The following KLHL18 variants were observed in gnomAD, a reference collection of about 807,000 sequenced individuals.
KLHL18 encodes kelch-like protein 18.
Under a neutral mutation model 58.5 loss-of-function variants are expected in KLHL18, and 38 were observed. That is an observed-to-expected ratio of 0.65 (90% confidence interval 0.50 to 0.85). The LOEUF (loss-of-function observed/expected upper bound fraction) is 0.85. KLHL18 is among the 40% of genes least tolerant of loss of function. The pLI is 0.00. For synonymous variants in KLHL18, 303 were observed against 301.9 expected (o/e 1.00, Z -0.04); for missense variants, 624 against 778.4 (o/e 0.80, Z 2.36).
intron 3 of KLHL18, among the ~76,000 whole-genome samples, chr3:47,323,680 T>A (rs1393286141): frequency 6.6e-6 from 1 of 152,172 alleles, no homozygotes; most frequent in Non-Finnish European, 1.5e-5. Flanking sequence ...GGGTTAGTGC[T>A]GGGCCACAGA....
chr3:47,338,479 C>T (rs1162806158), intron 7 of KLHL18: 1 of 152,224 alleles, frequency 6.6e-6, no homozygotes, highest in East Asian at 1.9e-4. Flanking sequence ...GTTATCATGT[C>T]CCTGAAAGGG....
At chr3:47,333,394 C>A (rs1343959104) in intron 5 of KLHL18, 77 bp downstream of exon 5, 2 of 1,409,856 alleles carry the variant, frequency 1.4e-6, no homozygotes, top group East Asian at 2.4e-5. Flanking sequence ...TGTTCCAGTT[C>A]TGGAAAGAAA....
At position 47,282,971 on chromosome 3, in the gene KLHL18, G is replaced by T; in HGVS notation, c.6G>T (p.Val2=). Residue 2 remains valine (V), a synonymous_variant, in exon 1 of 10, where the codon GTG becomes GTT. Coordinates refer to ENST00000232766, the MANE Select transcript of KLHL18 (RefSeq NM_025010.5). M[V]EDGAEELEDL... ...AGTTGCAGCGGCCGGGGAAGATGGT[G>T]GAGGACGGCGCGGAGGAGCTGGAGG... 6.2e-7 allele frequency: 1 copy of T among 1,610,480 alleles called. No individual in the cohort carries two copies. Among genetic ancestry groups the T allele is most frequent in the Non-Finnish European group, 8.5e-7 (1 of 1,178,740 alleles).
chr3:47,321,598 C>T (rs934656824), intron 2 of KLHL18, among the ~76,000 whole-genome samples: 8 of 152,158 alleles, frequency 5.3e-5, no homozygotes, highest in Non-Finnish European at 1.0e-4. Flanking sequence ...GATCCGCCCG[C>T]CTCGGCCTCT....
intron 1 of KLHL18, 90 bp downstream of exon 1, chr3:47,283,184 A>C: frequency 2.7e-6 from 1 of 366,256 alleles, no homozygotes. Context: ...GAGGTCTAGC[A>C]GGGAGAGGGG....
chr3:47,312,905 A>ATTTT (rs35710141), intron 1 of KLHL18, among the ~76,000 whole-genome samples: 5 of 117,870 alleles, frequency 4.2e-5, no homozygotes, highest in Non-Finnish European at 9.0e-5. Context: ...ATACCTTTTA[A>ATTTT]TTTTTTTTTT....
At chr3:47,293,237 G>A (rs1702826878) in intron 1 of KLHL18, among the ~76,000 whole-genome samples, 3 of 152,196 alleles carry the variant, frequency 2.0e-5, no homozygotes, top group Admixed American at 2.0e-4. Context: ...TAATGCCACA[G>A]AACTGTACAC....
At chr3:47,308,123 C>G (rs1254941930) in intron 1 of KLHL18, among the ~76,000 whole-genome samples, 1 of 151,952 alleles carries the variant, frequency 6.6e-6, no homozygotes, top group Non-Finnish European at 1.5e-5. Context: ...TTATCATGCA[C>G]TTTCAGCATC....
chr3:47,308,385 G>T (rs979084547), intron 1 of KLHL18, among the ~76,000 whole-genome samples: 1 of 152,082 alleles, frequency 6.6e-6, no homozygotes, highest in Non-Finnish European at 1.5e-5. Context: ...TCGTCAATAT[G>T]TAGTTTTTCT....
In KLHL18 at chr3:47,344,328, A is replaced by G. The variant is rs761193010; in HGVS notation, c.*387A>G. 1.5e-5 allele frequency: 4 copies of G among 270,082 alleles called. No individual in the cohort carries two copies. Among genetic ancestry groups the G allele is most frequent in the African/African-American group, 6.9e-5 (3 of 43,732 alleles). The allele number at this position is 270,082 out of a possible 1,614,324, so 16.7% of individuals were successfully genotyped here. ...CTTGCTCTCCAGCCGAGTCTGGCCA[A>G]TTTGCCATGGGGAGGCTGCAGTGTC... is the stretch of plus-strand genomic sequence containing the variant. On this transcript the variant is annotated 3_prime_UTR_variant, in exon 10 of 10. Coordinates refer to ENST00000232766, the MANE Select transcript of KLHL18 (RefSeq NM_025010.5).
At position 47,325,195 on chromosome 3, in the gene KLHL18, A is replaced by G. The variant is rs551347251; in HGVS notation, c.401+2487A>G. 8.8e-5 allele frequency among the ~76,000 whole-genome samples: 13 copies of G among 148,266 alleles called. No individual in the cohort carries two copies. The South Asian group carries it at 2.8e-3, about 32-fold the overall frequency. On this transcript the variant is annotated intron_variant, in intron 3 of 9. Coordinates refer to ENST00000232766, the MANE Select transcript of KLHL18 (RefSeq NM_025010.5). ...TTTTCTTTTTTTTCTTTTTTTTTTTAAGGCGGAGCCTTGCTCTGTGAGACA... is the reference window on the plus strand; with the variant it reads ...TTTTCTTTTTTTTCTTTTTTTTTTTGAGGCGGAGCCTTGCTCTGTGAGACA...
At chr3:47,325,148 A>T (rs1049978681) in intron 3 of KLHL18, among the ~76,000 whole-genome samples, 3 of 151,574 alleles carry the variant, frequency 2.0e-5, no homozygotes, top group African/African-American at 7.3e-5. Flanking sequence ...CCCACTTCGT[A>T]TGTGCCCTTG....
chr3:47,301,343 T>C (rs1483208527), intron 1 of KLHL18, among the ~76,000 whole-genome samples: 2 of 152,218 alleles, frequency 1.3e-5, no homozygotes, highest in African/African-American at 4.8e-5. Context: ...CTAAAAGTTT[T>C]ATAGTTTTAA....
intron 1 of KLHL18, among the ~76,000 whole-genome samples, chr3:47,286,865 A>T (rs930169882): frequency 6.6e-6 from 1 of 152,098 alleles, no homozygotes; most frequent in Non-Finnish European, 1.5e-5. Flanking sequence ...ATCCCCCTAA[A>T]TGGTACCACT....
intron 1 of KLHL18, among the ~76,000 whole-genome samples, chr3:47,304,464 C>T (rs566668876): frequency 6.6e-6 from 1 of 152,210 alleles, no homozygotes; most frequent in South Asian, 2.1e-4. Flanking sequence ...GATTATGCCA[C>T]TGCACTCTAG....
At chr3:47,321,862 G>C (rs1455269047) in intron 2 of KLHL18, among the ~76,000 whole-genome samples, 1 of 152,174 alleles carries the variant, frequency 6.6e-6, no homozygotes, top group African/African-American at 2.4e-5. Context: ...GCCATCTGGG[G>C]GAAGAGCCCT....
At chr3:47,329,928 T>A in intron 3 of KLHL18, 23 bp from the exon 4 acceptor site, 1 of 1,608,770 alleles carries the variant, frequency 6.2e-7, no homozygotes, top group Non-Finnish European at 8.5e-7. Flanking sequence ...CTCTAATTTT[T>A]TTTTTCTTTC....
At position 47,334,773 on chromosome 3, in the gene KLHL18, A is replaced by T; in HGVS notation, c.852A>T (p.Thr284=). 6.2e-7 allele frequency: 1 copy of T among 1,614,126 alleles called. No homozygotes were observed. Among genetic ancestry groups the T allele is most frequent in the South Asian group, 1.1e-5 (1 of 91,072 alleles). Residue 284 remains threonine (T), a synonymous_variant, in exon 6 of 10, where the codon ACA becomes ACT. Coordinates refer to ENST00000232766, the MANE Select transcript of KLHL18 (RefSeq NM_025010.5). This position sits in a 1 kb window ranked among gnomAD's most constrained non-coding sequence, Gnocchi z 4.7. ...PAFRTRPRCC[T]SIAGLIYAVG... is the part of the protein sequence containing the mutation. ...TCAGAACCCGGCCACGCTGCTGCAC[A>T]TCCATCGCTGGACTTATCTACGCTG...
intron 1 of KLHL18, among the ~76,000 whole-genome samples, chr3:47,313,138 C>T (rs1159511770): frequency 1.3e-5 from 2 of 151,414 alleles, no homozygotes; most frequent in East Asian, 1.9e-4. Flanking sequence ...CTCGATCTTC[C>T]GACCTTGTGA....
Sources: allele counts gnomAD v4.1 joint callset (sites outside exome capture counted in the v4.1 genomes callset), GRCh38; gene constraint gnomAD v4.1.1; non-coding constraint Gnocchi (gnomAD v3.1); transcripts MANE v1.5; gene names NCBI Gene and HGNC (gene_info 2026-07-23, HGNC 2026-07-21).